The following NEURL1 variants were observed in gnomAD, a reference collection of about 807,000 sequenced individuals.
NEURL1 encodes neuralized E3 ubiquitin protein ligase 1, also known as E3 ubiquitin-protein ligase NEURL1.
A neutral mutation model predicts 41.2 loss-of-function variants in NEURL1; 26 were observed. The ratio of observed to expected loss-of-function variants is 0.63; its 90% CI spans 0.46 to 0.87. The LOEUF is 0.87. NEURL1 is among the 40% of genes least tolerant of loss of function. NEURL1 has a pLI of 0.00. For synonymous variants in NEURL1, 400 were observed against 402.3 expected, an observed-to-expected ratio of 0.99 and a Z score of 0.07; for missense variants, 761 against 871.1, an observed-to-expected ratio of 0.87 and a Z score of 1.59.
intron 3 of NEURL1, among the ~76,000 whole-genome samples, chr10:103,579,829 C>A (rs1319421267): frequency 1.3e-5 from 2 of 152,158 alleles, no homozygotes; most frequent in Admixed American, 1.3e-4. Flanking sequence ...GTAGTCCCAG[C>A]CACTTTGGAG....
chr10:103,569,564 G>T (rs1299843321), intron 1 of NEURL1, among the ~76,000 whole-genome samples: 1 of 152,192 alleles, frequency 6.6e-6, no homozygotes, highest in Non-Finnish European at 1.5e-5. Context: ...TCTGCCCTTT[G>T]CCCCAACTGT....
chr10:103,582,164 AT>A (rs1274325447), intron 3 of NEURL1, among the ~76,000 whole-genome samples: 2 of 151,906 alleles, frequency 1.3e-5, no homozygotes, highest in Non-Finnish European at 2.9e-5. Flanking sequence ...GAGCGACCTG[AT>A]TCCTCTTCTC....
chr10:103,499,145 C>T (rs965267918), intron 1 of NEURL1, among the ~76,000 whole-genome samples: 2 of 152,194 alleles, frequency 1.3e-5, no homozygotes, highest in African/African-American at 2.4e-5. Flanking sequence ...AAGGCCGTCC[C>T]CCTCCAGCTC....
At chr10:103,526,729 C>T (rs957075004) in intron 1 of NEURL1, among the ~76,000 whole-genome samples, 8 of 152,162 alleles carry the variant, frequency 5.3e-5, no homozygotes. Flanking sequence ...TCAGGCTGGT[C>T]TTGAACTCCT....
intron 3 of NEURL1, among the ~76,000 whole-genome samples, chr10:103,572,934 C>T (rs1397649901): frequency 2.0e-5 from 3 of 151,922 alleles, no homozygotes; most frequent in African/African-American, 7.3e-5. Flanking sequence ...TTTCCTTCGT[C>T]TCCCATCTCT....
In NEURL1 at chr10:103,494,222, C is replaced by G. The variant is rs1472542673; in HGVS notation, c.-166C>G. The G allele has an allele frequency of 9.2e-6, 5 of 544,542 alleles. No homozygotes were observed. Among genetic ancestry groups the G allele is most frequent in the Non-Finnish European group, 1.6e-5 (5 of 315,408 alleles). The allele number at this position is 544,542 out of a possible 1,614,324, so 33.7% of individuals were successfully genotyped here. On this transcript the variant is annotated 5_prime_UTR_variant, in exon 1 of 6. Coordinates refer to ENST00000369780, the MANE Select transcript of NEURL1 (RefSeq NM_004210.5). ...CGGAACCCGCCAAGGACCGCGAAGT[C>G]CAGAGAAAGGAAGCTGAGGAGCTGC...
In NEURL1 at chr10:103,512,054, G is replaced by A. The variant is rs1448026214; in HGVS notation, c.85+17582G>A. 3.3e-5 allele frequency: 5 copies of A among 152,242 alleles called. No individual in the cohort carries two copies. In the East Asian group the frequency reaches 9.6e-4, roughly 29 times the overall value. The allele number at this position is 152,242 out of a possible 1,614,324, so 9.4% of individuals were successfully genotyped here. ...TGCTTCATTCATTCATTCATTCATT[G>A]ATGGCACAGATGTTCTTTGGGTGCT... On this transcript the variant is annotated intron_variant, in intron 1 of 5. Transcript: ENST00000369780.
At chr10:103,500,794 G>T (rs1480094227) in intron 1 of NEURL1, among the ~76,000 whole-genome samples, 2 of 152,232 alleles carry the variant, frequency 1.3e-5, no homozygotes, top group African/African-American at 4.8e-5. Context: ...ATACCATGCA[G>T]GTTCCCAGCC....
At chr10:103,503,711 ACAAATG>A (rs1428757472) in intron 1 of NEURL1, among the ~76,000 whole-genome samples, 1 of 152,018 alleles carries the variant, frequency 6.6e-6, no homozygotes, top group Non-Finnish European at 1.5e-5. Context: ...AACAAAAATG[ACAAATG>A]CATAAAAATG....
rs539037127 is a variant in NEURL1 at position 103,494,382 on chromosome 10, G to T, written c.-6G>T. 6.3e-7 allele frequency: 1 copy of T among 1,582,584 alleles called. No homozygotes were observed. The highest frequency in any genetic ancestry group is 2.3e-5 in the East Asian group (1 of 43,246). ...GCGAGCGCCGAACCTCCTGGGGCCG[G>T]ATGCCATGGGTAACAACTTCTCCAG... On this transcript the variant is annotated 5_prime_UTR_variant, in exon 1 of 6. Transcript: ENST00000369780.
At chr10:103,520,377 G>A (rs1194756833) in intron 1 of NEURL1, among the ~76,000 whole-genome samples, 30 of 152,226 alleles carry the variant, frequency 2.0e-4, no homozygotes, top group African/African-American at 7.0e-4. Context: ...TTACAGTCAA[G>A]GGGGGTTTTT....
intron 3 of NEURL1, among the ~76,000 whole-genome samples, chr10:103,578,395 C>T (rs1239152890): frequency 6.6e-6 from 1 of 152,180 alleles, no homozygotes; most frequent in Non-Finnish European, 1.5e-5. Flanking sequence ...ACCATGCAAT[C>T]GAAATTGCTC....
intron 1 of NEURL1, among the ~76,000 whole-genome samples, chr10:103,533,873 G>T (rs183220392): frequency 6.6e-6 from 1 of 151,792 alleles, no homozygotes; most frequent in East Asian, 1.9e-4. Context: ...GTTTCTCCAT[G>T]TTGGTCAGGC....
At chr10:103,576,580 C>T (rs969707439) in intron 3 of NEURL1, among the ~76,000 whole-genome samples, 3 of 152,106 alleles carry the variant, frequency 2.0e-5, no homozygotes, top group Admixed American at 6.5e-5. Flanking sequence ...GAGAGGCCTG[C>T]CCAAACTCTC....
intron 3 of NEURL1, among the ~76,000 whole-genome samples, chr10:103,576,576 C>A (rs1165181642): frequency 6.6e-6 from 1 of 152,118 alleles, no homozygotes; most frequent in Non-Finnish European, 1.5e-5. Flanking sequence ...TGGGGAGAGG[C>A]CTGCCCAAAC....
intron 4 of NEURL1, among the ~76,000 whole-genome samples, chr10:103,586,381 G>C (rs1193800391): frequency 6.6e-6 from 1 of 152,148 alleles, no homozygotes; most frequent in Non-Finnish European, 1.5e-5. Flanking sequence ...ACCTATTAAA[G>C]TGCAGATTCT....
intron 1 of NEURL1, among the ~76,000 whole-genome samples, chr10:103,537,981 T>C (rs1266082585): frequency 6.6e-6 from 1 of 152,108 alleles, no homozygotes; most frequent in African/African-American, 2.4e-5. Context: ...GTTTTTAGAG[T>C]TCTATGTAAT....
chr10:103,559,824 G>C (rs1174484101), intron 1 of NEURL1, among the ~76,000 whole-genome samples: 1 of 151,078 alleles, frequency 6.6e-6, no homozygotes, highest in African/African-American at 2.4e-5. Flanking sequence ...GTGCTTGCCA[G>C]TGCATGCACA....
intron 3 of NEURL1, among the ~76,000 whole-genome samples, chr10:103,579,972 TG>T (rs2035751751): frequency 6.6e-6 from 1 of 151,912 alleles, no homozygotes; most frequent in Admixed American, 6.6e-5. Context: ...AAAAAAAACA[TG>T]TCCTGCCTTT....
Sources: allele counts gnomAD v4.1 joint callset (sites outside exome capture counted in the v4.1 genomes callset), GRCh38; gene constraint gnomAD v4.1.1; transcripts MANE v1.5; gene names NCBI Gene and HGNC (gene_info 2026-07-23, HGNC 2026-07-21).